The following USP15 variants were observed in gnomAD, a reference collection of about 807,000 sequenced individuals.
The protein encoded by USP15 is ubiquitin specific peptidase 15, also known as ubiquitin carboxyl-terminal hydrolase 15.
A neutral mutation model predicts 127.1 loss-of-function variants in USP15; 18 were observed. The observed-to-expected ratio is 0.14, with a 90% CI of 0.10 to 0.21. The LOEUF is 0.21. Ranked by LOEUF, USP15 falls within the 10% of genes least tolerant of loss-of-function variation. The pLI is 1.00. For synonymous variants in USP15, 364 were observed against 393.7 expected, an observed-to-expected ratio of 0.92 and a Z score of 0.89; for missense variants, 805 against 1,159.9, an observed-to-expected ratio of 0.69 and a Z score of 4.44.
intron 4 of USP15, among the ~76,000 whole-genome samples, chr12:62,319,206 C>G (rs1297530240): frequency 6.6e-6 from 1 of 152,106 alleles, no homozygotes; most frequent in Non-Finnish European, 1.5e-5. Flanking sequence ...GGGGGAAGTG[C>G]TACACACTTT....
chr12:62,323,921 A>G (rs1019745423), intron 5 of USP15, among the ~76,000 whole-genome samples: 12 of 152,102 alleles, frequency 7.9e-5, no homozygotes, highest in Non-Finnish European at 1.3e-4. Flanking sequence ...GGAATGTTTC[A>G]AAGAATAGTC....
rs1319128514 is a variant in USP15 at position 62,407,603 on chromosome 12, A to C, written c.*3228A>C. ...ATTTAATTTATATACCTTTATTACA[A>C]TTTTAATTAAATGGTAAATACAATG... On this transcript the variant is annotated 3_prime_UTR_variant, in exon 22 of 22. Coordinates refer to ENST00000280377, the MANE Select transcript of USP15 (RefSeq NM_001252078.2). The C allele has an allele frequency of 1.3e-5, 2 of 152,200 alleles. No homozygotes were observed. Among genetic ancestry groups the C allele is most frequent in the Non-Finnish European group, 2.9e-5 (2 of 68,038 alleles). 9.4% of individuals were successfully genotyped at this position (152,200 alleles called of 1,614,324 possible).
chr12:62,301,531 A>G (rs370538319), intron 2 of USP15, among the ~76,000 whole-genome samples: 10 of 152,208 alleles, frequency 6.6e-5, no homozygotes, highest in African/African-American at 2.2e-4. Flanking sequence ...ATTGATATGT[A>G]AAAACATGGA....
At chr12:62,340,039 A>G (rs2065600089) in intron 6 of USP15, among the ~76,000 whole-genome samples, 1 of 152,154 alleles carries the variant, frequency 6.6e-6, no homozygotes, top group South Asian at 2.1e-4. Context: ...TTGGTAGGCT[A>G]TTGATTACTG....
chr12:62,292,240 T>A (rs1332491234), intron 1 of USP15, among the ~76,000 whole-genome samples: 2 of 152,188 alleles, frequency 1.3e-5, no homozygotes, highest in East Asian at 3.9e-4. Context: ...ATTCTGGTGC[T>A]CAGGTTGTTC....
Position 62,404,404 on chromosome 12 carries a change from A to G in USP15, c.*29A>G. On this transcript the variant is annotated 3_prime_UTR_variant, in exon 22 of 22. Coordinates refer to ENST00000280377, the MANE Select transcript of USP15 (RefSeq NM_001252078.2). ...AAGTCCTAGAAGCCATAAAAGAGACACTTTCCTGCTGGTGGTATCTATGGA... is the reference window on the plus strand; with the variant it reads ...AAGTCCTAGAAGCCATAAAAGAGACGCTTTCCTGCTGGTGGTATCTATGGA... The G allele has an allele frequency of 6.5e-7, 1 of 1,535,944 alleles. No homozygotes were observed. Among genetic ancestry groups the G allele is most frequent in the African/African-American group, 1.4e-5 (1 of 71,810 alleles).
chr12:62,345,913 GC>G (rs1472839102), intron 6 of USP15, among the ~76,000 whole-genome samples: 6 of 151,988 alleles, frequency 3.9e-5, no homozygotes, highest in South Asian at 4.1e-4. Context: ...GGAAAGACCC[GC>G]CCCCGTGATT....
At chr12:62,339,941 A>G (rs556689996) in intron 6 of USP15, among the ~76,000 whole-genome samples, 1 of 152,224 alleles carries the variant, frequency 6.6e-6, no homozygotes, top group African/African-American at 2.4e-5. Flanking sequence ...AATTGTTTGG[A>G]ATATTTTCAG....
chr12:62,381,372 T>C, intron 8 of USP15, 118 bp from the exon 9 acceptor site: 7 of 828,946 alleles, frequency 8.4e-6, no homozygotes, highest in Non-Finnish European at 1.1e-5. Flanking sequence ...CAAGAAACCA[T>C]CATTTAAATG....
chr12:62,266,842 T>A (rs78495621), intron 1 of USP15, among the ~76,000 whole-genome samples: 3,344 of 152,238 alleles, frequency 0.022, 123 homozygotes, highest in African/African-American at 0.075. Context: ...TCGCAGCCAC[T>A]ATTTTAAATG....
At chr12:62,385,483 C>T (rs959202904) in intron 11 of USP15, among the ~76,000 whole-genome samples, 1 of 151,932 alleles carries the variant, frequency 6.6e-6, no homozygotes, top group East Asian at 1.9e-4. Flanking sequence ...CTAGTAGATA[C>T]TAGGTATGTA....
chr12:62,338,568 T>A (rs780922129), intron 6 of USP15, among the ~76,000 whole-genome samples: 1 of 152,208 alleles, frequency 6.6e-6, no homozygotes, highest in African/African-American at 2.4e-5. Context: ...GTGTCCTGAA[T>A]GGTATTGCCT....
intron 11 of USP15, among the ~76,000 whole-genome samples, chr12:62,388,265 T>C (rs961842855): frequency 1.3e-5 from 2 of 152,006 alleles, no homozygotes; most frequent in African/African-American, 4.8e-5. Flanking sequence ...CCCAAGTAGC[T>C]GGGACTACAG....
chr12:62,290,845 C>T (rs2063944124), intron 1 of USP15, among the ~76,000 whole-genome samples: 1 of 151,974 alleles, frequency 6.6e-6, no homozygotes, highest in African/African-American at 2.4e-5. Context: ...CTAGGAAAGA[C>T]TTTATATCTC....
intron 1 of USP15, among the ~76,000 whole-genome samples, chr12:62,277,846 G>A (rs1157605926): frequency 2.6e-5 from 4 of 152,106 alleles, no homozygotes; most frequent in Admixed American, 6.6e-5. Context: ...GTACACTGCT[G>A]TAATCTTTAT....
chr12:62,349,193 C>T, intron 6 of USP15, 28 bp from the exon 7 acceptor site: 3 of 1,268,210 alleles, frequency 2.4e-6, no homozygotes, highest in South Asian at 3.4e-5. Flanking sequence ...ATTTTTTTAT[C>T]TAATTTAACA....
chr12:62,345,568 A>G (rs563679039), intron 6 of USP15, among the ~76,000 whole-genome samples: 49 of 152,228 alleles, frequency 3.2e-4, no homozygotes, highest in Non-Finnish European at 5.3e-4. Context: ...CTCTCTGCCT[A>G]TTACCCAGTT....
intron 8 of USP15, among the ~76,000 whole-genome samples, chr12:62,377,468 C>T (rs547049159): frequency 6.6e-6 from 1 of 152,316 alleles, no homozygotes; most frequent in South Asian, 2.1e-4. Context: ...GCCTGTAATC[C>T]TAGCACTTTG....
intron 19 of USP15, among the ~76,000 whole-genome samples, chr12:62,394,268 C>T (rs1362455153): frequency 6.6e-6 from 1 of 152,154 alleles, no homozygotes; most frequent in African/African-American, 2.4e-5. Context: ...GCAAAAAGAA[C>T]TTTCAGCGGT....
Sources: allele counts gnomAD v4.1 joint callset (sites outside exome capture counted in the v4.1 genomes callset), GRCh38; gene constraint gnomAD v4.1.1; transcripts MANE v1.5; gene names NCBI Gene and HGNC (gene_info 2026-07-23, HGNC 2026-07-21).